Variants in ABCC1 observed in about 807,000 individuals in gnomAD.
The protein encoded by ABCC1 is multidrug resistance-associated protein 1.
ABCC1 carries 83 observed loss-of-function variants against 172.9 expected under a neutral mutation model. That is an observed-to-expected ratio of 0.48 (90% CI 0.40 to 0.58). ABCC1 has a LOEUF of 0.58. Among genes scored for constraint, ABCC1 ranks in the 20% least tolerant of loss-of-function variants. The probability of loss-of-function intolerance (pLI) is 0.00; values close to 1 mark genes in which losing one functional copy is unlikely to be tolerated. For missense variants in ABCC1, 1,817 were observed against 2,002.7 expected, an observed-to-expected ratio of 0.91 and a Z score of 1.77; for synonymous variants, 937 against 825.2, an observed-to-expected ratio of 1.14 and a Z score of -2.32.
intron 10 of ABCC1, among the ~76,000 whole-genome samples, chr16:16,051,806 A>T (rs888650741): frequency 1.3e-5 from 2 of 152,176 alleles, no homozygotes; most frequent in African/African-American, 4.8e-5. Context: ...ACTCTACCCA[A>T]TTCTGTTAAT....
chr16:15,952,215 A>G (rs1468677659), intron 1 of ABCC1, among the ~76,000 whole-genome samples: 1 of 152,244 alleles, frequency 6.6e-6, no homozygotes, highest in Non-Finnish European at 1.5e-5. Context: ...GCACGGAGAT[A>G]AACAATGGTT....
rs778226654 is a variant in ABCC1 at position 16,114,947 on chromosome 16, C to T, written c.3261C>T (p.Ile1087=). The change falls in exon 23 of 31, where the codon ATC becomes ATT. Residue 1087 remains isoleucine, a synonymous_variant. Transcript: ENST00000399410. ...SKELDTVDSM[I]PEVIKMFMGS... is the part of the protein sequence containing the mutation. ...AGCTGGACACAGTGGACTCCATGAT[C>T]CCGGAGGTCATCAAGATGTTCATGG... The T allele has an allele frequency of 1.2e-6, 2 of 1,614,128 alleles. No homozygotes were observed. The highest frequency in any genetic ancestry group is 2.2e-5 in the East Asian group (1 of 44,882).
Position 16,131,951 on chromosome 16 carries a change from C to T in ABCC1, c.3966+16C>T. ...GGGAGAAAAGGTGGGTACACATCGC[C>T]CCATTCCCTCACCCATTCCCAGTCG... On this transcript the variant is annotated intron_variant, in intron 27 of 30. Transcript: ENST00000399410. The T allele has an allele frequency of 1.2e-6, 2 of 1,609,628 alleles. No individual in the cohort carries two copies. Among genetic ancestry groups the T allele is most frequent in the Non-Finnish European group, 1.7e-6 (2 of 1,177,198 alleles).
At position 16,002,246 on chromosome 16, in the gene ABCC1, A is replaced by G. The variant is rs548225190; in HGVS notation, c.49-5570A>G. ...TGTGGTTAAGAGAAAAAAGCAAAGT[A>G]CGGAACATTATGTAACGTATGCTTC... On this transcript the variant is annotated intron_variant, in intron 1 of 30. Transcript: ENST00000399410. Among the ~76,000 whole-genome samples the G allele has an allele frequency of 3.3e-5, 5 of 152,342 alleles. No homozygotes were observed. The South Asian group carries it at 1.0e-3, about 32-fold the overall frequency.
chr16:16,033,405 C>T (rs961552711), intron 6 of ABCC1, among the ~76,000 whole-genome samples: 1 of 152,228 alleles, frequency 6.6e-6, no homozygotes, highest in Non-Finnish European at 1.5e-5. Context: ...GACACCTCTG[C>T]AGAAGGCTTT....
Position 16,057,627 on chromosome 16 carries a change from C to T in ABCC1, c.1677+1332C>T, listed in dbSNP as rs968751462. ...CCTTCTAAAGTGACAGTTTCGTGTACGCTTTTAGAGAAAAATGGACAAGCA... is the reference window on the plus strand; with the variant it reads ...CCTTCTAAAGTGACAGTTTCGTGTATGCTTTTAGAGAAAAATGGACAAGCA... On this transcript the variant is annotated intron_variant, in intron 12 of 30. Coordinates refer to ENST00000399410, the MANE Select transcript of ABCC1 (RefSeq NM_004996.4). Among the ~76,000 whole-genome samples the T allele has an allele frequency of 2.6e-4, 39 of 152,024 alleles. No individual in the cohort carries two copies. In the South Asian group the frequency reaches 2.7e-3, roughly 11 times the overall value.
At chr16:16,113,710 G>T (rs1469334304) in intron 22 of ABCC1, among the ~76,000 whole-genome samples, 2 of 152,132 alleles carry the variant, frequency 1.3e-5, no homozygotes, top group African/African-American at 4.8e-5. Context: ...CACGTTTCAA[G>T]TGCTCAGTAG....
At position 16,069,572 on chromosome 16, in the gene ABCC1, T is replaced by G. The variant is rs560499392; in HGVS notation, c.1824+1270T>G. The stretch of plus-strand genomic sequence containing the variant: ...CGAACATCCCTTTTGAAAACTCCAT[T>G]TTAACTACATAGGCAAATCAACCGT... On this transcript the variant is annotated intron_variant, in intron 13 of 30. Coordinates refer to ENST00000399410, the MANE Select transcript of ABCC1 (RefSeq NM_004996.4). 2.6e-5 allele frequency among the ~76,000 whole-genome samples: 4 copies of G among 152,126 alleles called. No individual in the cohort carries two copies. The South Asian group carries it at 8.3e-4, about 32-fold the overall frequency.
chr16:16,052,245 C>T (rs906497818), intron 10 of ABCC1, among the ~76,000 whole-genome samples: 1 of 152,050 alleles, frequency 6.6e-6, no homozygotes, highest in African/African-American at 2.4e-5. Context: ...TGACTAGTCA[C>T]AGCTACTTGG....
At chr16:15,961,935 T>C (rs1226695758) in intron 1 of ABCC1, among the ~76,000 whole-genome samples, 1 of 152,198 alleles carries the variant, frequency 6.6e-6, no homozygotes, top group African/African-American at 2.4e-5. Context: ...TGCAAATATA[T>C]GTAAATGATT....
intron 1 of ABCC1, among the ~76,000 whole-genome samples, chr16:15,955,666 T>A (rs2045980197): frequency 6.6e-6 from 1 of 152,144 alleles, no homozygotes. Flanking sequence ...TCAAACTTTG[T>A]TCAGGTGTCA....
intron 5 of ABCC1, among the ~76,000 whole-genome samples, chr16:16,019,014 A>G (rs2048105399): frequency 2.0e-5 from 3 of 151,920 alleles, no homozygotes; most frequent in African/African-American, 7.3e-5. Flanking sequence ...TGTATTGTGT[A>G]TCAGTGTGTG....
chr16:16,051,968 C>A (rs561678654), intron 10 of ABCC1, among the ~76,000 whole-genome samples: 4 of 148,464 alleles, frequency 2.7e-5, no homozygotes, highest in African/African-American at 9.8e-5. Flanking sequence ...TGATGGCTCG[C>A]GCCTGTAATC....
At chr16:15,978,920 G>A (rs1445193708) in intron 1 of ABCC1, among the ~76,000 whole-genome samples, 2 of 152,146 alleles carry the variant, frequency 1.3e-5, no homozygotes, top group African/African-American at 4.8e-5. Flanking sequence ...TAAAACGTCA[G>A]TAGTGTTGAG....
chr16:15,986,384 G>T (rs147460450), intron 1 of ABCC1, among the ~76,000 whole-genome samples: 39 of 152,286 alleles, frequency 2.6e-4, no homozygotes, highest in Non-Finnish European at 5.3e-4. Flanking sequence ...TGGCCTGTTA[G>T]GAACTGAGTC....
chr16:16,108,946 A>G (rs2052267292), intron 21 of ABCC1, among the ~76,000 whole-genome samples: 1 of 151,904 alleles, frequency 6.6e-6, no homozygotes, highest in African/African-American at 2.4e-5. Flanking sequence ...CTCATGAGAA[A>G]GAGGTTCCTG....
At chr16:16,114,108 T>G (rs1375939986) in intron 22 of ABCC1, among the ~76,000 whole-genome samples, 1 of 152,136 alleles carries the variant, frequency 6.6e-6, no homozygotes, top group Admixed American at 6.5e-5. Flanking sequence ...GCATGGGGAT[T>G]AAGAGCAGGC....
At chr16:16,082,156 C>A (rs1292217859) in intron 16 of ABCC1, among the ~76,000 whole-genome samples, 1 of 152,200 alleles carries the variant, frequency 6.6e-6, no homozygotes. Context: ...GTCACGCTGG[C>A]CTTTCTGTTC....
chr16:16,030,793 T>TACC (rs2048533614), intron 5 of ABCC1, among the ~76,000 whole-genome samples: 1 of 152,018 alleles, frequency 6.6e-6, no homozygotes, highest in Non-Finnish European at 1.5e-5. Flanking sequence ...AGTGCCCCAG[T>TACC]CGCACCCAGA....
Sources: gnomAD v4.1 joint callset for allele counts (sites outside exome capture counted in the v4.1 genomes callset) on GRCh38, gnomAD v4.1.1 for gene constraint, MANE v1.5 for transcripts, NCBI Gene and HGNC (gene_info 2026-07-23, HGNC 2026-07-21) for gene names.